Variants in ADAMTSL1 observed in about 807,000 individuals in gnomAD.
The protein encoded by ADAMTSL1 is ADAMTS like 1.
A neutral mutation model predicts 201.8 loss-of-function variants in ADAMTSL1; 126 were observed. The observed-to-expected ratio is 0.62, with a 90% CI of 0.54 to 0.72. ADAMTSL1 has a LOEUF of 0.72. Ranked by LOEUF, ADAMTSL1 falls within the 30% of genes least tolerant of loss-of-function variation. The pLI, the probability that ADAMTSL1 is intolerant of heterozygous loss-of-function variation, is 0.00. For missense variants in ADAMTSL1, 2,679 were observed against 2,277.8 expected, an observed-to-expected ratio of 1.18 and a Z score of -3.59; for synonymous variants, 1,121 against 903.4, an observed-to-expected ratio of 1.24 and a Z score of -4.32.
rs973386102 is a variant in ADAMTSL1 at position 18,151,422 on chromosome 9, C to T, written c.88-12440C>T. On this transcript the variant is annotated intron_variant, in intron 1 of 29. Transcript: ENST00000680146. Reference sequence around the variant, plus strand: ...TCAGAATTCCTCTAAATTTTTTCTTCAGCTCCTGTGTGAATGCCTCTGGTG... The same window carrying T: ...TCAGAATTCCTCTAAATTTTTTCTTTAGCTCCTGTGTGAATGCCTCTGGTG... 5.9e-5 allele frequency among the ~76,000 whole-genome samples: 9 copies of T among 152,140 alleles called. No individual in the cohort carries two copies. The East Asian group carries it at 1.7e-3, about 30-fold the overall frequency.
At chr9:18,369,852 T>G (rs2133121741) in intron 2 of ADAMTSL1, among the ~76,000 whole-genome samples, 1 of 152,326 alleles carries the variant, frequency 6.6e-6, no homozygotes, top group East Asian at 1.9e-4. Flanking sequence ...CAGCAACATT[T>G]TGCTTGTCTT....
intron 3 of ADAMTSL1, among the ~76,000 whole-genome samples, chr9:18,551,101 A>G (rs1209793479): frequency 6.6e-6 from 1 of 151,952 alleles, no homozygotes. Context: ...AAAGGATGGT[A>G]GACAAAAAAT....
At chr9:18,233,743 A>G (rs541551444) in intron 2 of ADAMTSL1, among the ~76,000 whole-genome samples, 14 of 152,226 alleles carry the variant, frequency 9.2e-5, no homozygotes, top group Non-Finnish European at 1.9e-4. Flanking sequence ...GGGCATTGCC[A>G]GAAGCACTGT....
At chr9:18,819,593 C>G (rs1356931436) in intron 21 of ADAMTSL1, among the ~76,000 whole-genome samples, 1 of 152,146 alleles carries the variant, frequency 6.6e-6, no homozygotes, top group Non-Finnish European at 1.5e-5. Context: ...GCTTTGGCCA[C>G]TCTATTGTGC....
At chr9:18,249,097 C>T (rs1179104352) in intron 2 of ADAMTSL1, among the ~76,000 whole-genome samples, 1 of 152,034 alleles carries the variant, frequency 6.6e-6, no homozygotes, top group Non-Finnish European at 1.5e-5. Flanking sequence ...ATCCGTGATG[C>T]GAGAGAACCT....
chr9:17,959,586 G>A (rs1385968395), intron 1 of ADAMTSL1, among the ~76,000 whole-genome samples: 1 of 152,038 alleles, frequency 6.6e-6, no homozygotes, highest in Non-Finnish European at 1.5e-5. Flanking sequence ...AGCCTCCCAA[G>A]TAGCTGGAAT....
chr9:18,839,225 T>C lies in ADAMTSL1; in HGVS notation c.4249+9248T>C, dbSNP rs1337377795. Among the ~76,000 whole-genome samples the C allele has an allele frequency of 3.9e-5, 5 of 126,610 alleles. No individual in the cohort carries two copies. The South Asian group carries it at 8.0e-4, about 20-fold the overall frequency. The allele number at this position is 126,610 out of a possible 152,430, so 83.1% of individuals were successfully genotyped here. A position where few individuals can be genotyped will look rare whatever the true frequency, so the allele number is the denominator to read the frequency against. On this transcript the variant is annotated intron_variant, in intron 23 of 28. Transcript: ENST00000380548. Reference sequence around the variant, plus strand: ...CAGTCCCCAGAGTGTAATGTTCCCCTTCCTGTGTACATGTGTTCTCATTGT... The same window carrying C: ...CAGTCCCCAGAGTGTAATGTTCCCCCTCCTGTGTACATGTGTTCTCATTGT...
chr9:18,128,601 G>T (rs1825830784), intron 1 of ADAMTSL1, among the ~76,000 whole-genome samples: 1 of 152,140 alleles, frequency 6.6e-6, no homozygotes, highest in Admixed American at 6.5e-5. Flanking sequence ...GTGAGCCACA[G>T]TGCCTGGCCC....
intron 23 of ADAMTSL1, among the ~76,000 whole-genome samples, chr9:18,865,743 T>A (rs562431928): frequency 6.6e-6 from 1 of 152,106 alleles, no homozygotes; most frequent in Admixed American, 6.5e-5. Context: ...TAAGAAGGGT[T>A]GATAGAGAGA....
At chr9:18,676,467 T>G (rs1295945232) in intron 10 of ADAMTSL1, among the ~76,000 whole-genome samples, 5 of 152,138 alleles carry the variant, frequency 3.3e-5, no homozygotes, top group African/African-American at 9.7e-5. Context: ...AAATTCAATG[T>G]GCTGCATTGC....
At chr9:18,216,452 G>T (rs1210220106) in intron 2 of ADAMTSL1, among the ~76,000 whole-genome samples, 3 of 152,136 alleles carry the variant, frequency 2.0e-5, no homozygotes, top group Non-Finnish European at 4.4e-5. Context: ...AAGAAACACA[G>T]ATGAAAGATT....
chr9:18,019,147 G>A (rs1000156611), intron 1 of ADAMTSL1, among the ~76,000 whole-genome samples: 1 of 151,974 alleles, frequency 6.6e-6, no homozygotes, highest in Admixed American at 6.6e-5. Flanking sequence ...TCTGATCTGT[G>A]GTTATGTGAA....
intron 2 of ADAMTSL1, among the ~76,000 whole-genome samples, chr9:18,304,535 C>A (rs1276910507): frequency 6.6e-6 from 1 of 151,954 alleles, no homozygotes; most frequent in African/African-American, 2.4e-5. Flanking sequence ...CTCAAAAACT[C>A]ACACTTAAAA....
intron 1 of ADAMTSL1, among the ~76,000 whole-genome samples, chr9:18,089,511 C>T (rs773594686): frequency 3.3e-5 from 5 of 152,016 alleles, no homozygotes; most frequent in African/African-American, 9.7e-5. Flanking sequence ...AAATACCTAA[C>T]GTAGATGACG....
At chr9:18,065,568 T>C (rs1302164737) in intron 1 of ADAMTSL1, among the ~76,000 whole-genome samples, 1 of 152,156 alleles carries the variant, frequency 6.6e-6, no homozygotes. Flanking sequence ...TGAAAAGTAA[T>C]TGGAAAAATA....
intron 4 of ADAMTSL1, among the ~76,000 whole-genome samples, chr9:18,605,145 T>C (rs1444954794): frequency 1.3e-5 from 2 of 152,108 alleles, no homozygotes; most frequent in Non-Finnish European, 2.9e-5. Flanking sequence ...GCTCAGAAAA[T>C]AACCATGAAA....
chr9:18,434,613 G>A (rs1819642263), intron 2 of ADAMTSL1, among the ~76,000 whole-genome samples: 1 of 152,172 alleles, frequency 6.6e-6, no homozygotes. Flanking sequence ...AGATTAGGCA[G>A]GTGGTTAGAA....
upstream of ADAMTSL1, among the ~76,000 whole-genome samples, chr9:18,472,775 A>G (rs372797751): frequency 5.3e-5 from 8 of 152,326 alleles, 1 homozygote; most frequent in East Asian, 1.5e-3. Context: ...CCTCCACTGC[A>G]TATATTTCTG....
intron 2 of ADAMTSL1, among the ~76,000 whole-genome samples, chr9:18,272,003 G>T (rs13298564): frequency 6.8e-5 from 10 of 147,640 alleles, no homozygotes; most frequent in African/African-American, 1.7e-4. Flanking sequence ...CATATCCTTC[G>T]CCCACTTTTT....
Sources: gnomAD v4.1 joint callset for allele counts (sites outside exome capture counted in the v4.1 genomes callset) on GRCh38, gnomAD v4.1.1 for gene constraint, MANE v1.5 for transcripts, NCBI Gene and HGNC (gene_info 2026-07-23, HGNC 2026-07-21) for gene names.